AP4E1: variants seen among roughly 807,000 people sequenced by gnomAD.
AP4E1 encodes the protein AP-4 complex subunit epsilon-1.
A neutral mutation model predicts 128.2 loss-of-function variants in AP4E1; 56 were observed. The ratio of observed to expected loss-of-function variants is 0.44; its 90% CI spans 0.35 to 0.55. The LOEUF is 0.55. AP4E1 is among the 20% of genes least tolerant of loss of function. The probability of loss-of-function intolerance (pLI) is 0.00; values close to 1 mark genes in which losing one functional copy is unlikely to be tolerated. For missense variants in AP4E1, 1,324 were observed against 1,307.7 expected, an observed-to-expected ratio of 1.01 and a Z score of -0.19; for synonymous variants, 484 against 473.1, an observed-to-expected ratio of 1.02 and a Z score of -0.30.
At chr15:50,956,332 T>C (rs1476791068) in intron 13 of AP4E1, among the ~76,000 whole-genome samples, 4 of 152,224 alleles carry the variant, frequency 2.6e-5, no homozygotes, top group Non-Finnish European at 5.9e-5. Flanking sequence ...CTCTTCCTTC[T>C]TACTAGCTAT....
At chr15:50,979,489 G>A (rs1454576330) in intron 15 of AP4E1, among the ~76,000 whole-genome samples, 1 of 152,110 alleles carries the variant, frequency 6.6e-6, no homozygotes, top group Non-Finnish European at 1.5e-5. Context: ...CTCTTAGATA[G>A]CTCAGCCTTG....
chr15:50,992,122 C>A (rs982700697), intron 16 of AP4E1, among the ~76,000 whole-genome samples: 1 of 151,750 alleles, frequency 6.6e-6, no homozygotes, highest in Non-Finnish European at 1.5e-5. Flanking sequence ...AGACTTGAGA[C>A]AATTTGAAAA....
intron 12 of AP4E1, 34 bp downstream of exon 12, chr15:50,949,972 T>G (rs766803761): frequency 3.8e-6 from 6 of 1,596,724 alleles, no homozygotes; most frequent in Non-Finnish European, 5.2e-6. Flanking sequence ...AAAGTAAACA[T>G]TTTAAAGTTT....
intron 15 of AP4E1, among the ~76,000 whole-genome samples, chr15:50,970,541 T>C (rs1160598905): frequency 6.6e-6 from 1 of 152,222 alleles, no homozygotes; most frequent in Non-Finnish European, 1.5e-5. Context: ...ATTTGGATGC[T>C]CTGGTGTTGG....
In AP4E1 at chr15:50,975,253, A is replaced by C. The variant is rs150037823; in HGVS notation, c.1966+6876A>C. On this transcript the variant is annotated intron_variant, in intron 15 of 20. Coordinates refer to ENST00000261842, the MANE Select transcript of AP4E1 (RefSeq NM_007347.5). ...ATACCTCATCTCTACTGAAAATACA[A>C]AATTAGCCAGGCGTGGTGGTGCATG... 3.3e-3 allele frequency among the ~76,000 whole-genome samples: 497 copies of C among 152,264 alleles called. 3 individuals are homozygous for C. The highest frequency in any genetic ancestry group is 0.011 in the African/African-American group (476 of 41,566).
At chr15:50,929,452 T>C (rs1478437204) in intron 6 of AP4E1, among the ~76,000 whole-genome samples, 2 of 152,148 alleles carry the variant, frequency 1.3e-5, no homozygotes, top group African/African-American at 4.8e-5. Context: ...TTTGTGTTTT[T>C]TCAAGCAGTA....
At position 50,912,045 on chromosome 15, in the gene AP4E1, TAATC is replaced by T. The variant is rs769049272; in HGVS notation, c.151-30_151-27del. 8 of 1,525,840 alleles carry T rather than the reference TAATC, an allele frequency of 5.2e-6. No homozygotes were observed. In the East Asian group the frequency reaches 1.8e-4, roughly 34 times the overall value. 94.5% of individuals were successfully genotyped at this position (1,525,840 alleles called of 1,614,324 possible). A position where few individuals can be genotyped will look rare whatever the true frequency, so the allele number is the denominator to read the frequency against. On this transcript the variant is annotated intron_variant, in intron 1 of 20. Coordinates refer to ENST00000261842, the MANE Select transcript of AP4E1 (RefSeq NM_007347.5). ...TGCTGTTACAGTTTTAAAAGACAGT[TAATC>T]AAGCATTTAAATATTTTCACTTTCT... is the stretch of plus-strand genomic sequence containing the variant.
chr15:50,954,828 A>AT (rs1448515010), intron 13 of AP4E1, among the ~76,000 whole-genome samples: 1 of 152,158 alleles, frequency 6.6e-6, no homozygotes, highest in African/African-American at 2.4e-5. Context: ...ATATCTCCTA[A>AT]TGCTATCCCT....
At chr15:50,988,085 A>C (rs2064753525) in intron 16 of AP4E1, among the ~76,000 whole-genome samples, 1 of 152,144 alleles carries the variant, frequency 6.6e-6, no homozygotes, top group African/African-American at 2.4e-5. Context: ...GAACATTGAT[A>C]GATATAGAGG....
chr15:50,909,449 G>A (rs1486618241), intron 1 of AP4E1, among the ~76,000 whole-genome samples: 2 of 152,182 alleles, frequency 1.3e-5, no homozygotes, highest in African/African-American at 2.4e-5. Flanking sequence ...TCTTTGGGGA[G>A]CTTGAGGTTC....
intron 8 of AP4E1, among the ~76,000 whole-genome samples, chr15:50,938,305 GAA>G (rs1414095376): frequency 6.6e-6 from 1 of 152,092 alleles, no homozygotes; most frequent in African/African-American, 2.4e-5. Flanking sequence ...GGACCAAGAA[GAA>G]AAGGGAAATT....
chr15:50,929,119 A>G lies in AP4E1; in HGVS notation c.653A>G (p.Asp218Gly), dbSNP rs1211471604. 4.3e-6 allele frequency: 7 copies of G among 1,613,788 alleles called. No individual in the cohort carries two copies. The highest frequency in any genetic ancestry group is 1.1e-5 in the South Asian group (1 of 91,080). ...TTTCGGAAAGCACTTTGTGACAGAG[A>G]TGTTGGGGTCATGGCTGCCTCCTTG... ...IKFRKALCDRDVGVMAASLHI... is the reference protein window; with the variant it reads ...IKFRKALCDRGVGVMAASLHI... The change falls in exon 6 of 21, where the codon GAT becomes GGT. Residue 218 changes from aspartate (D) to glycine (G), a missense_variant. Asp to Gly is a moderately conservative substitution (Grantham distance 94). Transcript: ENST00000261842.
At position 50,997,454 on chromosome 15, in the gene AP4E1, A is replaced by T. The variant is rs1294910113; in HGVS notation, c.2475A>T (p.Ala825=). 6.2e-7 allele frequency: 1 copy of T among 1,614,008 alleles called. No homozygotes were observed. Among genetic ancestry groups the T allele is most frequent in the Non-Finnish European group, 8.5e-7 (1 of 1,179,958 alleles). The change falls in exon 18 of 21, where the codon GCA becomes GCT. Residue 825 remains alanine, a synonymous_variant. Transcript: ENST00000261842. The stretch of plus-strand genomic sequence containing the variant: ...CCTTTAGTTCTTTGTCAAATGTGGC[A>T]TATGAAGATGATTATTATTCGAATA... ...CSSFSSLSNV[A]YEDDYYSNTL...
At chr15:50,920,960 AC>A (rs2063695928) in intron 3 of AP4E1, among the ~76,000 whole-genome samples, 1 of 151,508 alleles carries the variant, frequency 6.6e-6, no homozygotes, top group African/African-American at 2.4e-5. Flanking sequence ...CTGCCATCAC[AC>A]CCGGCTAATT....
chr15:51,001,677 G>C (rs1008944077), intron 20 of AP4E1, among the ~76,000 whole-genome samples: 9 of 152,158 alleles, frequency 5.9e-5, no homozygotes, highest in Non-Finnish European at 1.0e-4. Flanking sequence ...CCATGTTGTA[G>C]AATGTGTCCG....
In AP4E1 at chr15:50,930,933, C is replaced by T; in HGVS notation, c.831C>T (p.Leu277=). The T allele has an allele frequency of 6.2e-7, 1 of 1,614,020 alleles. No individual in the cohort carries two copies. The highest frequency in any genetic ancestry group is 8.5e-7 in the Non-Finnish European group (1 of 1,180,002). Residue 277 remains leucine (L), a synonymous_variant, in exon 7 of 21, where the codon CTC becomes CTT. Coordinates refer to ENST00000261842, the MANE Select transcript of AP4E1 (RefSeq NM_007347.5). ...SVPAPWLQIQ[L]LRILGLLGKD... ...CAGCACCATGGTTACAAATTCAGCT[C>T]TTGAGAATACTGGGACTTCTAGGAA...
chr15:50,972,021 A>G (rs1182956382), intron 15 of AP4E1, among the ~76,000 whole-genome samples: 2 of 151,746 alleles, frequency 1.3e-5, no homozygotes, highest in East Asian at 3.9e-4. Flanking sequence ...TTCTTTTTTC[A>G]TGGTTGATTT....
At position 50,908,801 on chromosome 15, in the gene AP4E1, C is replaced by T. The variant is rs1158518693; in HGVS notation, c.23C>T (p.Thr8Met). 7 of 1,596,832 alleles carry T rather than the reference C, an allele frequency of 4.4e-6. No homozygotes were observed. The highest frequency in any genetic ancestry group is 1.3e-5 in the African/African-American group (1 of 74,584). The change falls in exon 1 of 21, where the codon ACG becomes ATG. Residue 8 changes from threonine (T) to methionine (M), a missense_variant. By Grantham distance (81) the Thr-to-Met change is moderately conservative (BLOSUM62 -1). Transcript: ENST00000261842. ...GCGATGAGCGACATAGTGGAGAAGA[C>T]GCTGACGGCGCTGCCGGGACTCTTT... is the stretch of plus-strand genomic sequence containing the variant. MSDIVEK[T>M]LTALPGLFLQ...
chr15:50,925,834 A>G lies in AP4E1; in HGVS notation c.542+615A>G, dbSNP rs572050329. ...TTTTTAATAGAAACTGGGTTTGGCC[A>G]GGCTGGTCTCGAACTCCTGACCTCA... On this transcript the variant is annotated intron_variant, in intron 5 of 20. Coordinates refer to ENST00000261842, the MANE Select transcript of AP4E1 (RefSeq NM_007347.5). Among the ~76,000 whole-genome samples the G allele has an allele frequency of 9.0e-4, 135 of 149,916 alleles. 1 individual carries two copies. Among genetic ancestry groups the G allele is most frequent in the Non-Finnish European group, 1.5e-3 (104 of 67,544 alleles).
Sources: allele counts gnomAD v4.1 joint callset (sites outside exome capture counted in the v4.1 genomes callset), GRCh38; gene constraint gnomAD v4.1.1; transcripts MANE v1.5; gene names NCBI Gene and HGNC (gene_info 2026-07-23, HGNC 2026-07-21).